Variants in ZNF521 observed in about 807,000 individuals in gnomAD.
ZNF521 encodes LYST-interacting protein 3.
ZNF521 carries 14 observed loss-of-function variants against 105.5 expected under a neutral mutation model. The observed-to-expected ratio is 0.13, with a 90% CI of 0.09 to 0.21. ZNF521 has a LOEUF of 0.21. ZNF521 is among the 10% of genes least tolerant of loss of function. ZNF521 has a pLI of 1.00. For missense variants in ZNF521, 1,233 were observed against 1,629.7 expected (o/e 0.76, Z 4.19); for synonymous variants, 635 against 606.0 (o/e 1.05, Z -0.70).
intron 3 of ZNF521, among the ~76,000 whole-genome samples, chr18:25,314,631 G>A (rs1268215542): frequency 2.0e-5 from 3 of 152,206 alleles, no homozygotes; most frequent in African/African-American, 7.2e-5. Context: ...GTCTACAAAT[G>A]TTCCCCAAAG....
intron 5 of ZNF521, among the ~76,000 whole-genome samples, chr18:25,112,276 G>A (rs537063445): frequency 3.9e-5 from 6 of 152,292 alleles, no homozygotes; most frequent in East Asian, 3.9e-4. Flanking sequence ...CTAGGGGCCC[G>A]TGACAAAGGG....
chr18:25,132,788 T>C (rs1393356991), intron 5 of ZNF521, among the ~76,000 whole-genome samples: 2 of 152,208 alleles, frequency 1.3e-5, no homozygotes, highest in African/African-American at 4.8e-5. Flanking sequence ...AGCTAAAATA[T>C]CTTATAAATT....
chr18:25,271,003 A>G (rs1312916117), intron 3 of ZNF521, among the ~76,000 whole-genome samples: 1 of 152,212 alleles, frequency 6.6e-6, no homozygotes, highest in African/African-American at 2.4e-5. Flanking sequence ...TTGCTATTAC[A>G]TGAATGTATA....
chr18:25,194,780 C>T (rs61153842), intron 5 of ZNF521, among the ~76,000 whole-genome samples: 4,990 of 151,754 alleles, frequency 0.033, 115 homozygotes, highest in East Asian at 0.067. Flanking sequence ...GCTTAAGCAA[C>T]GCACAACAGT....
chr18:25,180,932 T>C (rs4343364), intron 5 of ZNF521, among the ~76,000 whole-genome samples: 32,297 of 152,162 alleles, frequency 0.21, 3,580 homozygotes, highest in Middle Eastern at 0.27. Context: ...TTCGTGGTAC[T>C]CATTCTATCA....
At chr18:25,351,963 G>A (rs2145251182) in intron 1 of ZNF521, 42 bp downstream of exon 1, 2 of 353,362 alleles carry the variant, frequency 5.7e-6, no homozygotes, top group Admixed American at 2.9e-5. Context: ...GGAGCAGGAG[G>A]AGGAGAAGGA....
intron 5 of ZNF521, among the ~76,000 whole-genome samples, chr18:25,107,083 G>C (rs1031879584): frequency 2.0e-5 from 3 of 152,184 alleles, no homozygotes; most frequent in African/African-American, 7.2e-5. Context: ...TTAGCGGGTG[G>C]GATGCCCAAC....
intron 4 of ZNF521, among the ~76,000 whole-genome samples, chr18:25,209,733 T>C (rs2036145786): frequency 1.3e-5 from 2 of 152,228 alleles, no homozygotes; most frequent in South Asian, 2.1e-4. Context: ...AATAATACTA[T>C]TGAGCATTTT....
At chr18:25,349,113 C>T (rs1247263593) in intron 2 of ZNF521, among the ~76,000 whole-genome samples, 4 of 151,986 alleles carry the variant, frequency 2.6e-5, no homozygotes. Context: ...GTTTCAGAAG[C>T]TTCTTGGAGC....
At chr18:25,222,943 CAG>C in intron 4 of ZNF521, among the ~76,000 whole-genome samples, 1 of 152,050 alleles carries the variant, frequency 6.6e-6, no homozygotes, top group Non-Finnish European at 1.5e-5. Flanking sequence ...AAAAGGGGTG[CAG>C]AGAGAGAGAA....
chr18:25,079,834 T>G (rs1480532217), intron 7 of ZNF521, among the ~76,000 whole-genome samples: 1 of 152,160 alleles, frequency 6.6e-6, no homozygotes, highest in Non-Finnish European at 1.5e-5. Context: ...TCCTGCACAA[T>G]CACCTTTCAC....
At chr18:25,316,157 G>C (rs1600297017) in intron 3 of ZNF521, among the ~76,000 whole-genome samples, 1 of 151,728 alleles carries the variant, frequency 6.6e-6, no homozygotes, top group Admixed American at 6.6e-5. Context: ...AAGCAACAAA[G>C]AATAAATTGA....
intron 2 of ZNF521, 118 bp from the exon 3 acceptor site, chr18:25,322,305 G>T: frequency 2.1e-6 from 2 of 974,848 alleles, no homozygotes; most frequent in South Asian, 1.3e-5. Context: ...CAATAGGAGG[G>T]CTTCATTGCA....
chr18:25,191,785 G>C (rs1377911428), intron 5 of ZNF521, among the ~76,000 whole-genome samples: 3 of 152,202 alleles, frequency 2.0e-5, no homozygotes, highest in African/African-American at 7.2e-5. Flanking sequence ...TCCCTTTGCT[G>C]GGTTAAACAC....
At position 25,226,849 on chromosome 18, in the gene ZNF521, T is replaced by C; in HGVS notation, c.1069A>G (p.Thr357Ala). The C allele has an allele frequency of 6.2e-7, 1 of 1,613,950 alleles. No individual in the cohort carries two copies. The highest frequency in any genetic ancestry group is 8.5e-7 in the Non-Finnish European group (1 of 1,179,970). The change falls in exon 4 of 8, where the codon ACG becomes GCG. Residue 357 changes from threonine to alanine, a missense_variant. Transcript: ENST00000361524. The surrounding 1 kb of genome is among the most constrained non-coding windows in gnomAD (Gnocchi z 4.1). ...VTVGYTSVSS[T>A]TPDSNLSVDS... is the part of the protein sequence containing the mutation. ...ACTGAGAGGTTGGAATCTGGAGTCG[T>C]ACTGGACACGGAGGTATAGCCCACC...
chr18:25,078,462 A>G (rs2033416115), intron 7 of ZNF521, among the ~76,000 whole-genome samples: 1 of 152,190 alleles, frequency 6.6e-6, no homozygotes, highest in Non-Finnish European at 1.5e-5. Flanking sequence ...AGACGATGTG[A>G]CTAATGCCAC....
intron 4 of ZNF521, among the ~76,000 whole-genome samples, chr18:25,198,582 A>G (rs1261991913): frequency 6.6e-6 from 1 of 151,822 alleles, no homozygotes; most frequent in East Asian, 1.9e-4. Context: ...AGATTAAAAA[A>G]AATCAGTGCA....
In ZNF521 at chr18:25,240,593, A is replaced by G. The variant is rs370806336; in HGVS notation, c.221-12896T>C. Among the ~76,000 whole-genome samples, 4 of 152,272 alleles carry G rather than the reference A, an allele frequency of 2.6e-5. No homozygotes were observed. The East Asian group carries it at 7.7e-4, about 29-fold the overall frequency. Reference sequence around the variant, plus strand: ...ATTCAAACCTATTAAATCATCACACAATCTGCTAGAGAGCCTGAGTGTTGA... The same window carrying G: ...ATTCAAACCTATTAAATCATCACACGATCTGCTAGAGAGCCTGAGTGTTGA... On this transcript the variant is annotated intron_variant, in intron 3 of 7. Coordinates refer to ENST00000361524, the MANE Select transcript of ZNF521 (RefSeq NM_015461.3).
intron 4 of ZNF521, among the ~76,000 whole-genome samples, chr18:25,210,231 T>A (rs372361208): frequency 2.5e-4 from 38 of 152,304 alleles, no homozygotes; most frequent in African/African-American, 8.2e-4. Flanking sequence ...GTAAAGTATG[T>A]TGAATGCCCA....
Sources: allele counts gnomAD v4.1 joint callset (sites outside exome capture counted in the v4.1 genomes callset), GRCh38; gene constraint gnomAD v4.1.1; non-coding constraint Gnocchi (gnomAD v3.1); transcripts MANE v1.5; gene names NCBI Gene and HGNC (gene_info 2026-07-23, HGNC 2026-07-21).